The following HOOK2 variants were observed in gnomAD, a reference collection of about 807,000 sequenced individuals.
HOOK2 encodes the protein hook microtubule tethering protein 2.
Under a neutral mutation model 111.9 loss-of-function variants are expected in HOOK2, and 108 were observed. The ratio of observed to expected loss-of-function variants is 0.96; its 90% confidence interval spans 0.83 to 1.13. The LOEUF is 1.13. Ranked by LOEUF, HOOK2 falls within the 50% of genes most tolerant of loss-of-function variation. The probability of loss-of-function intolerance (pLI) is 0.00; values close to 1 mark genes in which losing one functional copy is unlikely to be tolerated. For missense variants in HOOK2, 978 were observed against 951.3 expected (o/e 1.03, Z -0.37); for synonymous variants, 405 against 394.3 (o/e 1.03, Z -0.32).
At position 12,769,907 on chromosome 19, in the gene HOOK2, CGCGCAGGGAGCCCGCTCGGCGT is replaced by C. The variant is rs1031014403; in HGVS notation, c.1056_1077del (p.Arg353ProfsTer22). The C allele has an allele frequency of 6.6e-7, 1 of 1,514,020 alleles. No homozygotes were observed. Among genetic ancestry groups the C allele is most frequent in the African/African-American group, 1.4e-5 (1 of 69,622 alleles). The allele number at this position is 1,514,020 out of a possible 1,614,324, so 93.8% of individuals were successfully genotyped here. ...TGCCGCCGCTGCGCCTCCAGCTGGG[CGCGCAGGGAGCCCGCTCGGCGT>C]AGCTCATCCTCCAGTTGTCGCGTGC... On this transcript the variant is annotated frameshift_variant, in exon 11 of 23. Transcript: ENST00000397668. LOFTEE classifies it high-confidence loss of function.
upstream of HOOK2, among the ~76,000 whole-genome samples, chr19:12,780,717 G>A (rs1346730976): frequency 1.9e-5 from 2 of 104,170 alleles, no homozygotes; most frequent in African/African-American, 3.7e-5. Context: ...GGTGGCTCAC[G>A]CCTGTAATCC....
chr19:12,785,785 T>C (rs540398165), intron 3 of HOOK2, among the ~76,000 whole-genome samples: 64 of 152,302 alleles, frequency 4.2e-4, no homozygotes, highest in Non-Finnish European at 8.1e-4. Context: ...GTGGGGGCAC[T>C]GGACACCCCA....
intron 14 of HOOK2, chr19:12,766,556 GTTTT>G (rs750923307): frequency 5.2e-5 from 19 of 366,324 alleles, no homozygotes; most frequent in Admixed American, 1.8e-4. Flanking sequence ...GTTTTTCGGG[GTTTT>G]TTTGTTTGTT....
At chr19:12,775,365 G>T in intron 1 of HOOK2, 40 bp downstream of exon 1, 1 of 1,601,826 alleles carries the variant, frequency 6.2e-7, no homozygotes, top group Middle Eastern at 1.7e-4. Flanking sequence ...GGCAAGAGGA[G>T]CGGGCGCTCA....
intron 3 of HOOK2, 111 bp from the exon 4 acceptor site, chr19:12,773,155 C>G (rs1968386383): frequency 9.4e-7 from 1 of 1,061,478 alleles, no homozygotes; most frequent in African/African-American, 1.6e-5. Flanking sequence ...TCATCCTATT[C>G]TGTCTGCGTG....
chr19:12,772,728 G>A (rs202212065), intron 5 of HOOK2, 48 bp from the exon 6 acceptor site: 1 of 1,612,280 alleles, frequency 6.2e-7, no homozygotes, highest in Non-Finnish European at 8.5e-7. Context: ...GAGGTGGGGA[G>A]GAAGGAGGAT....
intron 3 of HOOK2, among the ~76,000 whole-genome samples, chr19:12,788,901 G>C (rs1360218629): frequency 6.6e-6 from 1 of 152,048 alleles, no homozygotes; most frequent in Non-Finnish European, 1.5e-5. Context: ...GAAGGGAGGG[G>C]GCATTTAGGG....
At chr19:12,780,106 C>T (rs901762404), upstream of HOOK2, among the ~76,000 whole-genome samples, 4 of 152,072 alleles carry the variant, frequency 2.6e-5, no homozygotes, top group South Asian at 2.1e-4. Context: ...GCCGAGAACG[C>T]GCCATTACAC....
upstream of HOOK2, among the ~76,000 whole-genome samples, chr19:12,779,900 A>G (rs1180767720): frequency 6.6e-6 from 1 of 152,172 alleles, no homozygotes; most frequent in Non-Finnish European, 1.5e-5. Context: ...CAGTAATCCC[A>G]GCACTTTGGG....
At chr19:12,767,331 CG>C (rs1332536300) in intron 14 of HOOK2, 63 bp downstream of exon 14, 2 of 1,360,654 alleles carry the variant, frequency 1.5e-6, no homozygotes, top group Non-Finnish European at 2.1e-6. Flanking sequence ...AGGGCGGGAG[CG>C]GGGCTGAGGG....
rs1416557245 is a variant in HOOK2 at position 12,790,115 on chromosome 19, G to A, written n.42-15890C>T. Among the ~76,000 whole-genome samples, 2 of 152,218 alleles carry A rather than the reference G, an allele frequency of 1.3e-5. No homozygotes were observed. Among genetic ancestry groups the A allele is most frequent in the African/African-American group, 4.8e-5 (2 of 41,466 alleles). ...CGCCTGCCTCCGCGGTCCCCTGCAG[G>A]CACCGCGGGCGGAACCATTGCTTGA... On this transcript the variant is annotated intron_variant and non_coding_transcript_variant, in intron 3 of 3. Transcript: ENST00000589765. The surrounding 1 kb of genome is among the most constrained non-coding windows in gnomAD (Gnocchi z 7.2).
upstream of HOOK2, among the ~76,000 whole-genome samples, chr19:12,782,600 G>A (rs1191331746): frequency 6.6e-6 from 1 of 152,192 alleles, no homozygotes; most frequent in East Asian, 1.9e-4. Context: ...CGACGCGGTC[G>A]TGCGTGCAAG....
upstream of HOOK2, among the ~76,000 whole-genome samples, chr19:12,779,477 C>T (rs528561174): frequency 6.6e-6 from 1 of 152,200 alleles, no homozygotes; most frequent in African/African-American, 2.4e-5. Context: ...GCCAGTCCCC[C>T]CTCCCTGTGT....
chr19:12,777,160 AAAT>A (rs1968540801), upstream of HOOK2, among the ~76,000 whole-genome samples: 1 of 128,060 alleles, frequency 7.8e-6, no homozygotes. Flanking sequence ...GTCTCAAAAA[AAAT>A]AAATAAAATA....
At chr19:12,775,622 G>C, upstream of HOOK2, 1 of 541,338 alleles carries the variant, frequency 1.8e-6, no homozygotes, top group Non-Finnish European at 2.8e-6. Flanking sequence ...CTCCGCCTCG[G>C]AACGTAATCT....
At position 12,790,073 on chromosome 19, in the gene HOOK2, T is replaced by C. The variant is rs1258880344; in HGVS notation, n.42-15848A>G. On this transcript the variant is annotated intron_variant and non_coding_transcript_variant, in intron 3 of 3. Transcript: ENST00000589765. The surrounding 1 kb of genome is among the most constrained non-coding windows in gnomAD (Gnocchi z 7.2). ...GCTGCGTCCCCCGCCGTCGGGCCAA[T>C]GGAACACTCCCCAAGCCGCCTGCCT... Among the ~76,000 whole-genome samples the C allele has an allele frequency of 6.6e-6, 1 of 151,508 alleles. No homozygotes were observed. Among genetic ancestry groups the C allele is most frequent in the Non-Finnish European group, 1.5e-5 (1 of 67,814 alleles).
intron 6 of HOOK2, 39 bp downstream of exon 6, chr19:12,772,574 C>T (rs765155073): frequency 5.0e-6 from 8 of 1,606,668 alleles, no homozygotes; most frequent in South Asian, 1.1e-5. Flanking sequence ...GTCCCCTCTC[C>T]TGACATTTTC....
chr19:12,765,444 A>G, intron 18 of HOOK2: 1 of 598,892 alleles, frequency 1.7e-6, no homozygotes, highest in Non-Finnish European at 3.0e-6. Flanking sequence ...TCAATAGCAG[A>G]CAGGTAAAAG....
chr19:12,769,877 G>GCA lies in HOOK2; in HGVS notation c.1104+2_1104+3dup. On this transcript the variant is annotated splice_donor_region_variant and intron_variant, in intron 11 of 22. Coordinates refer to ENST00000397668, the MANE Select transcript of HOOK2 (RefSeq NM_013312.3). ...CCCCGGCCCTAACCCCGCCCCCGCCGCACCTGCCGCCGCTGCGCCTCCAGC... is the reference window on the plus strand; with the variant it reads ...CCCCGGCCCTAACCCCGCCCCCGCCGCACACCTGCCGCCGCTGCGCCTCCAGC... The GCA allele has an allele frequency of 6.9e-7, 1 of 1,439,586 alleles. No individual in the cohort carries two copies. Among genetic ancestry groups the GCA allele is most frequent in the Non-Finnish European group, 9.0e-7 (1 of 1,106,178 alleles). 89.2% of individuals were successfully genotyped at this position (1,439,586 alleles called of 1,614,324 possible). A position where few individuals can be genotyped will look rare whatever the true frequency, so the allele number is the denominator to read the frequency against.
Sources: allele counts gnomAD v4.1 joint callset (sites outside exome capture counted in the v4.1 genomes callset), GRCh38; gene constraint gnomAD v4.1.1; non-coding constraint Gnocchi (gnomAD v3.1); transcripts MANE v1.5; gene names NCBI Gene and HGNC (gene_info 2026-07-23, HGNC 2026-07-21).